The following MTCL1 variants were observed in gnomAD, a reference collection of about 807,000 sequenced individuals.
The protein encoded by MTCL1 is microtubule crosslinking factor 1, also known as microtubule cross-linking factor 1.
In MTCL1, 79 loss-of-function variants were observed where a neutral mutation model predicts 141.4. That is an observed-to-expected ratio of 0.56 (90% CI 0.47 to 0.67). MTCL1 has a LOEUF of 0.67. MTCL1 is among the 30% of genes least tolerant of loss of function. The probability of loss-of-function intolerance (pLI) is 0.00; values close to 1 mark genes in which losing one functional copy is unlikely to be tolerated. For synonymous variants in MTCL1, 914 were observed against 875.8 expected (o/e 1.04, Z -0.77); for missense variants, 2,177 against 2,113.9 (o/e 1.03, Z -0.59).
chr18:8,809,653 G>A lies in MTCL1; in HGVS notation c.2604+2593G>A, dbSNP rs941455262. ...AAAACGGAGCAAGTAGAGAGTGGCC[G>A]GGCCTGGTGGCCGGTTCATGAGACG... On this transcript the variant is annotated intron_variant, in intron 11 of 16. Transcript: ENST00000359865. The A allele has an allele frequency of 3.5e-5, 52 of 1,503,686 alleles. No homozygotes were observed. The Middle Eastern group carries it at 6.2e-4, about 18-fold the overall frequency. 93.1% of individuals were successfully genotyped at this position (1,503,686 alleles called of 1,614,324 possible). A position where few individuals can be genotyped will look rare whatever the true frequency, so the allele number is the denominator to read the frequency against.
rs1320845578 is a variant in MTCL1, at chr18:8,807,004, A to G, written c.2548A>G (p.Ser850Gly). ...ACTACGGCTGCAGCAGCAATATGCCAGCGACAAGGCGGCCTGGGACGTGGA... is the reference window on the plus strand; with the variant it reads ...ACTACGGCTGCAGCAGCAATATGCCGGCGACAAGGCGGCCTGGGACGTGGA... The change falls in exon 11 of 17, where the codon AGC becomes GGC. Residue 850 changes from serine (S) to glycine (G), a missense_variant. By Grantham distance (56) the Ser-to-Gly change is moderately conservative. Transcript: ENST00000359865. The G allele has an allele frequency of 7.4e-6, 12 of 1,613,832 alleles. No individual in the cohort carries two copies. The highest frequency in any genetic ancestry group is 1.0e-5 in the Non-Finnish European group (12 of 1,179,994).
intron 4 of MTCL1, among the ~76,000 whole-genome samples, chr18:8,735,640 G>T (rs1477199838): frequency 1.3e-5 from 2 of 152,162 alleles, no homozygotes; most frequent in Non-Finnish European, 2.9e-5. Context: ...CCTCTAGTTG[G>T]GGGGTGGGCA....
chr18:8,781,143 C>T (rs1364024923), intron 5 of MTCL1, among the ~76,000 whole-genome samples: 1 of 132,396 alleles, frequency 7.6e-6, no homozygotes, highest in African/African-American at 2.9e-5. Flanking sequence ...CATTGCAGTC[C>T]AGCCAGAGTG....
intron 7 of MTCL1, among the ~76,000 whole-genome samples, chr18:8,787,684 A>G (rs575195419): frequency 6.6e-6 from 1 of 152,388 alleles, no homozygotes; most frequent in Non-Finnish European, 1.5e-5. Flanking sequence ...GTCATTTCCT[A>G]GAAGGGGAAG....
intron 4 of MTCL1, among the ~76,000 whole-genome samples, chr18:8,731,602 G>A (rs555590530): frequency 6.6e-5 from 10 of 152,206 alleles, no homozygotes; most frequent in African/African-American, 2.4e-4. Context: ...TTAAAATATA[G>A]ACAGCACATA....
chr18:8,722,131 C>T (rs550330881), intron 4 of MTCL1, among the ~76,000 whole-genome samples: 2 of 139,138 alleles, frequency 1.4e-5, no homozygotes, highest in East Asian at 4.0e-4. Context: ...TACTTTACTT[C>T]CCTCCTGTTC....
intron 4 of MTCL1, among the ~76,000 whole-genome samples, chr18:8,756,417 G>A (rs1425197857): frequency 4.8e-5 from 7 of 144,650 alleles, no homozygotes; most frequent in South Asian, 2.1e-4. Flanking sequence ...GTGTATATGT[G>A]TATATATGTG....
intron 11 of MTCL1, among the ~76,000 whole-genome samples, chr18:8,807,351 G>A (rs690215): frequency 0.42 from 64,388 of 152,068 alleles, 15,819 homozygotes; most frequent in African/African-American, 0.68. Context: ...AGGACGGCCA[G>A]GCTGAAGCTG....
intron 4 of MTCL1, among the ~76,000 whole-genome samples, chr18:8,729,294 G>A (rs1362080092): frequency 6.6e-6 from 1 of 151,684 alleles, no homozygotes; most frequent in African/African-American, 2.4e-5. Flanking sequence ...GGCCTCAAGG[G>A]ATCCTCCTGC....
In MTCL1 at chr18:8,793,133, C is replaced by A; in HGVS notation, c.2010+13C>A. On this transcript the variant is annotated intron_variant, in intron 8 of 16. Transcript: ENST00000359865. ...CAAGATCCATAAGGTAAATATTTAA[C>A]ACGGACTCAGCACAACCGCTTTGTG... 2 of 1,612,760 alleles carry A rather than the reference C, an allele frequency of 1.2e-6. No individual in the cohort carries two copies. Among genetic ancestry groups the A allele is most frequent in the South Asian group, 1.1e-5 (1 of 90,888 alleles).
chr18:8,795,422 T>A (rs2075882915), intron 8 of MTCL1, among the ~76,000 whole-genome samples: 1 of 152,226 alleles, frequency 6.6e-6, no homozygotes, highest in Non-Finnish European at 1.5e-5. Context: ...CTATAAATAT[T>A]TATAGATGTT....
intron 4 of MTCL1, among the ~76,000 whole-genome samples, chr18:8,737,003 G>C (rs952994238): frequency 6.6e-6 from 1 of 152,154 alleles, no homozygotes; most frequent in African/African-American, 2.4e-5. Flanking sequence ...TACCTGAGTA[G>C]AAACCTCAGG....
intron 4 of MTCL1, among the ~76,000 whole-genome samples, chr18:8,742,954 T>C (rs997074458): frequency 6.6e-6 from 1 of 152,266 alleles, no homozygotes; most frequent in South Asian, 2.1e-4. Flanking sequence ...ACTTTGAGGT[T>C]GGCAATAGAA....
intron 4 of MTCL1, among the ~76,000 whole-genome samples, chr18:8,776,005 G>A (rs1345891732): frequency 7.9e-5 from 12 of 152,224 alleles, no homozygotes; most frequent in Admixed American, 4.6e-4. Context: ...CTTAAAATGT[G>A]AACAGTGCTG....
chr18:8,824,694 C>G lies in MTCL1; in HGVS notation c.3189-5C>G. 1 of 1,603,590 alleles carries G rather than the reference C, an allele frequency of 6.2e-7. No individual in the cohort carries two copies. Among genetic ancestry groups the G allele is most frequent in the Non-Finnish European group, 8.5e-7 (1 of 1,174,576 alleles). On this transcript the variant is annotated splice_region_variant and splice_polypyrimidine_tract_variant and intron_variant, in intron 14 of 16. Transcript: ENST00000359865. ...TACTGACACCCTCTTTTCTGCTTTT[C>G]CCAGGGCGGTGTCCGTGTCCTCCAT... is the stretch of plus-strand genomic sequence containing the variant.
At chr18:8,725,511 T>C (rs1451346749) in intron 4 of MTCL1, among the ~76,000 whole-genome samples, 1 of 152,178 alleles carries the variant, frequency 6.6e-6, no homozygotes, top group African/African-American at 2.4e-5. Context: ...TACACAAAGG[T>C]TTAACAAAGT....
At chr18:8,785,822 T>G in intron 6 of MTCL1, 114 bp from the exon 6 acceptor site, 4 of 1,308,362 alleles carry the variant, frequency 3.1e-6, no homozygotes, top group Non-Finnish European at 2.1e-6. Context: ...CCCTTGTCCA[T>G]TTTTGTTTTC....
At chr18:8,752,784 G>A (rs1314879259) in intron 4 of MTCL1, among the ~76,000 whole-genome samples, 3 of 152,172 alleles carry the variant, frequency 2.0e-5, no homozygotes, top group South Asian at 2.1e-4. Context: ...TGCTGGGTGC[G>A]TAGGCTATTT....
chr18:8,825,230 C>T lies in MTCL1; in HGVS notation c.3720C>T (p.Cys1240=), dbSNP rs140575175. Residue 1240 remains cysteine (C), a synonymous_variant, in exon 15 of 17, where the codon TGC becomes TGT. Transcript: ENST00000359865. ...AACCCATGCTCAGCAGGTGGCCTTGCACCTCCCCCAGGCACTCCCGGGACT... is the reference window on the plus strand; with the variant it reads ...AACCCATGCTCAGCAGGTGGCCTTGTACCTCCCCCAGGCACTCCCGGGACT... The T allele has an allele frequency of 2.0e-4, 326 of 1,596,928 alleles. 1 individual carries two copies. The African/African-American group carries it at 3.6e-3, about 18-fold the overall frequency.
Sources: allele counts gnomAD v4.1 joint callset (sites outside exome capture counted in the v4.1 genomes callset), GRCh38; gene constraint gnomAD v4.1.1; transcripts MANE v1.5; gene names NCBI Gene and HGNC (gene_info 2026-07-23, HGNC 2026-07-21).